The following MARCHF1 variants were observed in gnomAD, a reference collection of about 807,000 sequenced individuals.
MARCHF1 encodes the protein membrane associated ring-CH-type finger 1, also known as E3 ubiquitin-protein ligase MARCHF1.
Under a neutral mutation model 54.2 loss-of-function variants are expected in MARCHF1, and 40 were observed. The ratio of observed to expected loss-of-function variants is 0.74; its 90% CI spans 0.57 to 0.96. MARCHF1 has a LOEUF of 0.96. Among genes scored for constraint, MARCHF1 ranks in the 40% least tolerant of loss-of-function variants. The probability of loss-of-function intolerance (pLI) is 0.00; values close to 1 mark genes in which losing one functional copy is unlikely to be tolerated. For missense variants in MARCHF1, 586 were observed against 656.5 expected (o/e 0.89, Z 1.17); for synonymous variants, 236 against 236.3 (o/e 1.00, Z 0.01).
chr4:163,591,003 A>C (rs1740571316), intron 7 of MARCHF1, among the ~76,000 whole-genome samples: 1 of 151,868 alleles, frequency 6.6e-6, no homozygotes, highest in Non-Finnish European at 1.5e-5. Context: ...ATAGACTATT[A>C]GGAAGAATTA....
chr4:164,250,781 G>C (rs1459274468), intron 1 of MARCHF1, among the ~76,000 whole-genome samples: 1 of 151,946 alleles, frequency 6.6e-6, no homozygotes, highest in Non-Finnish European at 1.5e-5. Context: ...ACATTGCCTA[G>C]AACAAGAAAA....
chr4:164,220,672 TG>T lies in MARCHF1; in HGVS notation c.-322-109011del, dbSNP rs1324381330. On this transcript the variant is annotated intron_variant, in intron 1 of 9. Coordinates refer to ENST00000514618, the MANE Select transcript of MARCHF1 (RefSeq NM_001394959.1). ...GCATATATGTAATATATATGCTATA[TG>T]TATATATGTAATATATATGCTATAT... Among the ~76,000 whole-genome samples the T allele has an allele frequency of 2.1e-5, 3 of 142,456 alleles. No homozygotes were observed. The Admixed American group carries it at 2.2e-4, about 10-fold the overall frequency. 93.5% of individuals were successfully genotyped at this position (142,456 alleles called of 152,430 possible).
chr4:163,676,812 AAG>A (rs2111149783), intron 5 of MARCHF1, among the ~76,000 whole-genome samples: 1 of 152,246 alleles, frequency 6.6e-6, no homozygotes, highest in South Asian at 2.1e-4. Flanking sequence ...AACAAAATAA[AAG>A]ACAAAAAGCA....
At chr4:164,144,740 C>T (rs1296078733) in intron 1 of MARCHF1, among the ~76,000 whole-genome samples, 1 of 121,016 alleles carries the variant, frequency 8.3e-6, no homozygotes, top group African/African-American at 3.7e-5. Context: ...AAATTGACAC[C>T]CTAACATCAC....
intron 4 of MARCHF1, among the ~76,000 whole-genome samples, chr4:163,824,096 T>A (rs1203151861): frequency 6.6e-6 from 1 of 151,820 alleles, no homozygotes; most frequent in African/African-American, 2.4e-5. Context: ...AAAAATCATA[T>A]AAAAATGATC....
intron 7 of MARCHF1, among the ~76,000 whole-genome samples, chr4:163,595,921 C>T (rs1476360562): frequency 1.3e-5 from 2 of 151,366 alleles, no homozygotes; most frequent in African/African-American, 2.4e-5. Context: ...GGTTTTTTAA[C>T]CACAATAAAG....
intron 5 of MARCHF1, among the ~76,000 whole-genome samples, chr4:163,625,717 C>A (rs979061315): frequency 6.6e-6 from 1 of 152,148 alleles, no homozygotes; most frequent in Non-Finnish European, 1.5e-5. Context: ...ACTTCAGAGT[C>A]AAAAAACACA....
At chr4:164,241,798 G>A (rs1338558049) in intron 1 of MARCHF1, among the ~76,000 whole-genome samples, 1 of 152,208 alleles carries the variant, frequency 6.6e-6, no homozygotes, top group Non-Finnish European at 1.5e-5. Flanking sequence ...AGCAGGGCGA[G>A]GCATTGCCTC....
Position 163,627,774 on chromosome 4 carries a change from T to A in MARCHF1, c.163-14381A>T, listed in dbSNP as rs1478458269. Among the ~76,000 whole-genome samples the A allele has an allele frequency of 3.3e-5, 5 of 151,806 alleles. No individual in the cohort carries two copies. The East Asian group carries it at 9.6e-4, about 29-fold the overall frequency. On this transcript the variant is annotated intron_variant, in intron 5 of 9. Coordinates refer to ENST00000514618, the MANE Select transcript of MARCHF1 (RefSeq NM_001394959.1). ...GGAGAATAGAGTGTCTAGAAATAGA[T>A]CCACACAATTATGGTCAATTAATTT...
intron 2 of MARCHF1, among the ~76,000 whole-genome samples, chr4:164,069,747 G>A (rs1297837496): frequency 6.6e-6 from 1 of 152,020 alleles, no homozygotes; most frequent in Non-Finnish European, 1.5e-5. Flanking sequence ...CACCAATTCT[G>A]GACACACCAT....
intron 4 of MARCHF1, among the ~76,000 whole-genome samples, chr4:163,746,416 A>G (rs1746362980): frequency 6.6e-6 from 1 of 152,110 alleles, no homozygotes; most frequent in Non-Finnish European, 1.5e-5. Flanking sequence ...CCCAGCGGGG[A>G]CATTTGGTGG....
intron 1 of MARCHF1, among the ~76,000 whole-genome samples, chr4:164,251,106 C>T (rs900880926): frequency 6.6e-6 from 1 of 152,096 alleles, no homozygotes; most frequent in Non-Finnish European, 1.5e-5. Context: ...AATGTGCTAG[C>T]CATTATGTAA....
intron 3 of MARCHF1, among the ~76,000 whole-genome samples, chr4:163,895,184 A>G (rs1451466641): frequency 1.3e-5 from 2 of 152,320 alleles, no homozygotes; most frequent in East Asian, 3.9e-4. Flanking sequence ...TGCACTTGCA[A>G]TGGCTAGAAT....
intron 4 of MARCHF1, among the ~76,000 whole-genome samples, chr4:163,812,370 A>G (rs924175347): frequency 1.3e-5 from 2 of 151,942 alleles, no homozygotes; most frequent in African/African-American, 4.8e-5. Flanking sequence ...TATTGATTCT[A>G]TTTCTCTGGA....
chr4:164,207,431 C>G (rs1731638860), intron 1 of MARCHF1, among the ~76,000 whole-genome samples: 1 of 152,130 alleles, frequency 6.6e-6, no homozygotes, highest in African/African-American at 2.4e-5. Flanking sequence ...CAGTATTAAA[C>G]CAATCACCAC....
intron 4 of MARCHF1, among the ~76,000 whole-genome samples, chr4:163,705,782 C>T (rs758411607): frequency 2.0e-5 from 3 of 151,924 alleles, no homozygotes; most frequent in Non-Finnish European, 4.4e-5. Flanking sequence ...GGGGTGCTTG[C>T]TATAATTATT....
chr4:164,370,663 C>G (rs186711842), intron 1 of MARCHF1, among the ~76,000 whole-genome samples: 2 of 152,164 alleles, frequency 1.3e-5, no homozygotes, highest in African/African-American at 4.8e-5. Flanking sequence ...AATCCCAGCA[C>G]TTTGGGAAGC....
intron 5 of MARCHF1, among the ~76,000 whole-genome samples, chr4:163,631,929 G>T (rs1383690097): frequency 6.6e-6 from 1 of 152,120 alleles, no homozygotes; most frequent in Non-Finnish European, 1.5e-5. Context: ...ATGGCCAAAG[G>T]ATTGTATAGA....
At chr4:163,727,032 A>T (rs1745676180) in intron 4 of MARCHF1, among the ~76,000 whole-genome samples, 1 of 152,174 alleles carries the variant, frequency 6.6e-6, no homozygotes, top group African/African-American at 2.4e-5. Flanking sequence ...TCTTCTCATT[A>T]TCTTGGCAGT....
Sources: allele counts gnomAD v4.1 joint callset (sites outside exome capture counted in the v4.1 genomes callset), GRCh38; gene constraint gnomAD v4.1.1; transcripts MANE v1.5; gene names NCBI Gene and HGNC (gene_info 2026-07-23, HGNC 2026-07-21).